FTSJ1: variants seen among roughly 807,000 people sequenced by gnomAD.
FTSJ1 encodes the protein FtsJ RNA 2'-O-methyltransferase 1.
FTSJ1 carries 3 observed loss-of-function variants against 28.5 expected under a neutral mutation model. That is an observed-to-expected ratio of 0.11 (90% CI 0.05 to 0.27). The LOEUF is 0.27. Ranked by LOEUF, FTSJ1 falls within the 10% of genes least tolerant of loss-of-function variation. The probability of loss-of-function intolerance (pLI) is 1.00; values close to 1 mark genes in which losing one functional copy is unlikely to be tolerated. For synonymous variants in FTSJ1, 104 were observed against 113.9 expected, an observed-to-expected ratio of 0.91 and a Z score of 0.55; for missense variants, 162 against 279.0, an observed-to-expected ratio of 0.58 and a Z score of 2.99.
intron 12 of FTSJ1, among the ~76,000 whole-genome samples, chrX:48,483,590 A>C (rs1440634070): frequency 9.1e-6 from 1 of 110,488 alleles, no homozygotes; most frequent in Non-Finnish European, 1.9e-5. Flanking sequence ...GGCTCAAAAA[A>C]TCCTCCCACC....
chrX:48,483,282 A>G, intron 12 of FTSJ1: 1 of 398,470 alleles, frequency 2.5e-6, no homozygotes, highest in Non-Finnish European at 4.4e-6. Flanking sequence ...AGCAAAACAG[A>G]AATATCTTGG....
chrX:48,484,989 C>T (rs1474226413), intron 12 of FTSJ1, among the ~76,000 whole-genome samples: 1 of 111,860 alleles, frequency 8.9e-6, no homozygotes, highest in Non-Finnish European at 1.9e-5. Context: ...GCCAGTTCCA[C>T]TCCTAAGAAA....
chrX:48,478,699 A>G lies in FTSJ1; in HGVS notation c.274A>G (p.Ile92Val). Residue 92 changes from isoleucine to valine, a missense_variant, in exon 4 of 13, where the codon ATC becomes GTC. By Grantham distance (29) the Ile-to-Val change is conservative. Coordinates refer to ENST00000348411, the MANE Select transcript of FTSJ1 (RefSeq NM_012280.4). ...LPGVVQIQGD[I>V]TQLSTAKEII... ...AGGTGTGGTACAGATCCAGGGGGAC[A>G]TCACCCAGGTAAGAGCATGGCTGAG... The G allele has an allele frequency of 2.5e-6, 3 of 1,191,076 alleles. No homozygotes were observed. The highest frequency in any genetic ancestry group is 3.4e-6 in the Non-Finnish European group (3 of 877,539).
chrX:48,478,237 T>C, intron 2 of FTSJ1, 69 bp downstream of exon 2: 1 of 1,049,072 alleles, frequency 9.5e-7, no homozygotes, highest in Non-Finnish European at 1.3e-6. Context: ...AGGCTGGGTC[T>C]GCAGAGCTCC....
rs2061574570 is a variant in FTSJ1 at position 48,482,335 on chromosome X, G to A, written c.656-68G>A. 1.9e-5 allele frequency: 13 copies of A among 701,773 alleles called. No homozygotes were observed. The South Asian group carries it at 2.7e-4, about 14-fold the overall frequency. 57.8% of individuals were successfully genotyped at this position (701,773 alleles called of 1,213,427 possible). ...GTGGGGAGGGTTTGGCAGCCATACC[G>A]CCGCCTGTGTCATGACTGGCCCCAG... On this transcript the variant is annotated intron_variant, in intron 9 of 12. Coordinates refer to ENST00000348411, the MANE Select transcript of FTSJ1 (RefSeq NM_012280.4).
At chrX:48,483,754 A>C (rs1222080173) in intron 12 of FTSJ1, among the ~76,000 whole-genome samples, 8 of 110,904 alleles carry the variant, frequency 7.2e-5, no homozygotes, top group African/African-American at 2.6e-4. Context: ...CCAAAGTACC[A>C]GGATTACAGG....
Position 48,482,432 on chromosome X carries a change from A to C in FTSJ1, c.685A>C (p.Thr229Pro). ...AGATTTCAACCAGCTGGATGGTCCC[A>C]CCCGCATCATTGTGCCTTTTGTGAC... ...DPDFNQLDGP[T>P]RIIVPFVTCG... The change falls in exon 10 of 13, where the codon ACC becomes CCC. Residue 229 changes from threonine to proline, a missense_variant. By Grantham distance (38) the Thr-to-Pro change is conservative. Coordinates refer to ENST00000348411, the MANE Select transcript of FTSJ1 (RefSeq NM_012280.4). 1 of 1,205,805 alleles carries C rather than the reference A, an allele frequency of 8.3e-7. No individual in the cohort carries two copies. The highest frequency in any genetic ancestry group is 1.1e-6 in the Non-Finnish European group (1 of 891,091).
At position 48,481,277 on chromosome X, in the gene FTSJ1, T is replaced by C; in HGVS notation, c.415-12T>C. ...TCTCCACCTCAGCCTCAGCCGTCTG[T>C]CCTGCCCACAGGCTCTGAACATTGC... On this transcript the variant is annotated splice_polypyrimidine_tract_variant and intron_variant, in intron 6 of 12. Transcript: ENST00000348411. 8.3e-7 allele frequency: 1 copy of C among 1,209,285 alleles called. No homozygotes were observed. The highest frequency in any genetic ancestry group is 2.3e-4 in the Middle Eastern group (1 of 4,351).
chrX:48,481,419 C>G lies in FTSJ1; in HGVS notation c.469-7C>G. The G allele has an allele frequency of 8.3e-7, 1 of 1,209,240 alleles. No homozygotes were observed. Among genetic ancestry groups the G allele is most frequent in the Non-Finnish European group, 1.1e-6 (1 of 892,931 alleles). On this transcript the variant is annotated splice_region_variant and splice_polypyrimidine_tract_variant and intron_variant, in intron 7 of 12. Coordinates refer to ENST00000348411, the MANE Select transcript of FTSJ1 (RefSeq NM_012280.4). Reference sequence around the variant, plus strand: ...TCACCCGCTGTCTTTGCCTTCTCACCCTGCAGATATTCCGAGGCCGGGATG... The same window carrying G: ...TCACCCGCTGTCTTTGCCTTCTCACGCTGCAGATATTCCGAGGCCGGGATG...
chrX:48,476,603 G>A, intron 1 of FTSJ1: 1 of 196,673 alleles, frequency 5.1e-6, no homozygotes, highest in Admixed American at 7.5e-5. Flanking sequence ...GTGGGGACAT[G>A]GGACGCAGCG....
intron 9 of FTSJ1, among the ~76,000 whole-genome samples, chrX:48,481,987 C>G (rs1332718385): frequency 8.9e-6 from 1 of 112,102 alleles, no homozygotes. Context: ...GAGCCCTGCC[C>G]CAGTGGAGAC....
At chrX:48,479,233 G>A (rs1330940501) in intron 5 of FTSJ1, 117 bp downstream of exon 5, 26 of 517,240 alleles carry the variant, frequency 5.0e-5, no homozygotes, top group South Asian at 2.2e-4. Context: ...TCTCCCTTCC[G>A]CACTCAGCTT....
In FTSJ1 at chrX:48,481,597, C is replaced by T. The variant is rs2070991; in HGVS notation, c.572-35C>T. The T allele has an allele frequency of 0.22, 257,945 of 1,146,737 alleles. 21,056 individuals carry two copies. The highest frequency in any genetic ancestry group is 0.45 in the East Asian group (14,943 of 33,448). The allele number at this position is 1,146,737 out of a possible 1,213,427, so 94.5% of individuals were successfully genotyped here. A position where few individuals can be genotyped will look rare whatever the true frequency, so the allele number is the denominator to read the frequency against. On this transcript the variant is annotated intron_variant, in intron 8 of 12. Coordinates refer to ENST00000348411, the MANE Select transcript of FTSJ1 (RefSeq NM_012280.4). ...GGACGCCGACTGCACGAGGAGGAAG[C>T]GGCAGTCATGCCTCACTCCACCTTC...
chrX:48,478,462 A>T lies in FTSJ1; in HGVS notation c.135A>T (p.Ala45=), dbSNP rs1556967212. The change falls in exon 3 of 13, where the codon GCA becomes GCT. Residue 45 remains alanine (A), a synonymous_variant. Transcript: ENST00000348411. ...EFQLFQGVTR[A]VDLCAAPGSW... ...ATGTATGCCCAGGCGTGACACGGGC[A>T]GTTGACCTGTGTGCAGCCCCAGGCA... 12 of 1,208,043 alleles carry T rather than the reference A, an allele frequency of 9.9e-6. No individual in the cohort carries two copies. The highest frequency in any genetic ancestry group is 2.2e-5 in the Admixed American group (1 of 45,846).
intron 12 of FTSJ1, among the ~76,000 whole-genome samples, chrX:48,485,021 C>T (rs1198055757): frequency 9.0e-6 from 1 of 111,614 alleles, no homozygotes; most frequent in Non-Finnish European, 1.9e-5. Context: ...GGCCGGGTGC[C>T]GTGGCTCAAC....
At chrX:48,482,216 T>C (rs1556968842) in intron 9 of FTSJ1, among the ~76,000 whole-genome samples, 187 bp from the exon 10 acceptor site, 1 of 111,739 alleles carries the variant, frequency 8.9e-6, no homozygotes, top group Non-Finnish European at 1.9e-5. Flanking sequence ...ACCGATGTTT[T>C]AGAAGGGGTG....
In FTSJ1 at chrX:48,477,846, C is replaced by A. The variant is rs924483106; in HGVS notation, c.-87-115C>A. 5.9e-5 allele frequency: 30 copies of A among 504,787 alleles called. No individual in the cohort carries two copies. In the African/African-American group the frequency reaches 6.8e-4, roughly 11 times the overall value. 41.6% of individuals were successfully genotyped at this position (504,787 alleles called of 1,213,427 possible). On this transcript the variant is annotated intron_variant, in intron 1 of 12. Coordinates refer to ENST00000348411, the MANE Select transcript of FTSJ1 (RefSeq NM_012280.4). ...GAGTTCAGTGATTGGGTCCTTCAGG[C>A]CCTATAAGGTCAGTGGGGTCAGTGC...
At chrX:48,483,309 A>C in intron 12 of FTSJ1, 1 of 364,546 alleles carries the variant, frequency 2.7e-6, no homozygotes, top group Non-Finnish European at 4.8e-6. Flanking sequence ...CAGTACTTCC[A>C]GTTTGGAAAA....
intron 12 of FTSJ1, among the ~76,000 whole-genome samples, chrX:48,483,951 G>A (rs782725588): frequency 8.9e-6 from 1 of 111,796 alleles, no homozygotes; most frequent in South Asian, 3.8e-4. Context: ...GGAACTGCAC[G>A]TGGTATGGGA....
Sources: allele counts gnomAD v4.1 joint callset (sites outside exome capture counted in the v4.1 genomes callset), GRCh38; gene constraint gnomAD v4.1.1; transcripts MANE v1.5; gene names NCBI Gene and HGNC (gene_info 2026-07-23, HGNC 2026-07-21).